The following SPMIP2 variants were observed in gnomAD, a reference collection of about 807,000 sequenced individuals.
The protein encoded by SPMIP2 is sperm microtubule inner protein 2.
At chr4:159,064,942 T>G in the SPMIP2 span, among the ~76,000 whole-genome samples, 1 of 152,174 alleles carries the variant, frequency 6.6e-6, no homozygotes, top group Non-Finnish European at 1.5e-5. Context: ...TAACCCAACA[T>G]TGAGTTTTCT....
chr4:158,975,424 G>A, the SPMIP2 span, among the ~76,000 whole-genome samples: 1 of 152,038 alleles, frequency 6.6e-6, no homozygotes, highest in Non-Finnish European at 1.5e-5. Context: ...GGGTTTTTAT[G>A]GTTTTAGGTC....
the SPMIP2 span, among the ~76,000 whole-genome samples, chr4:159,063,332 G>A: frequency 6.6e-6 from 1 of 152,278 alleles, no homozygotes; most frequent in South Asian, 2.1e-4. Flanking sequence ...ACCGAGACAG[G>A]AGGATCACTT....
chr4:158,973,290 T>C, the SPMIP2 span: 1 of 1,612,860 alleles, frequency 6.2e-7, no homozygotes. Flanking sequence ...TTTGGGTAAA[T>C]AATCCTTTAT....
the SPMIP2 span, among the ~76,000 whole-genome samples, chr4:159,056,968 A>G: frequency 6.6e-6 from 1 of 152,334 alleles, no homozygotes; most frequent in Admixed American, 6.5e-5. Context: ...AGCAAAGTGA[A>G]AGGTTAAATA....
chr4:158,952,513 T>C, the SPMIP2 span, among the ~76,000 whole-genome samples: 3 of 152,182 alleles, frequency 2.0e-5, no homozygotes, highest in South Asian at 4.1e-4. Context: ...TTCTTCCCAG[T>C]CTCAAGTGTG....
At chr4:158,923,458 T>G in the SPMIP2 span, among the ~76,000 whole-genome samples, 1 of 152,236 alleles carries the variant, frequency 6.6e-6, no homozygotes, top group African/African-American at 2.4e-5. Flanking sequence ...CTTGTTAAAT[T>G]TACTTCTAAA....
chr4:158,948,727 C>T, the SPMIP2 span, among the ~76,000 whole-genome samples: 1 of 151,910 alleles, frequency 6.6e-6, no homozygotes, highest in Non-Finnish European at 1.5e-5. Context: ...ATCCTCCCAC[C>T]TCAAGTAGCT....
At chr4:159,054,708 C>A in the SPMIP2 span, among the ~76,000 whole-genome samples, 1 of 152,196 alleles carries the variant, frequency 6.6e-6, no homozygotes, top group African/African-American at 2.4e-5. Flanking sequence ...AACTTTGCTC[C>A]TGAGGACAGT....
chr4:158,985,766 G>A, the SPMIP2 span, among the ~76,000 whole-genome samples: 22 of 152,056 alleles, frequency 1.4e-4, no homozygotes, highest in African/African-American at 5.3e-4. Context: ...TCAACATACT[G>A]TTGGAAGTTC....
chr4:158,985,772 A>G, the SPMIP2 span, among the ~76,000 whole-genome samples: 1 of 152,166 alleles, frequency 6.6e-6, no homozygotes, highest in Admixed American at 6.5e-5. Context: ...TACTGTTGGA[A>G]GTTCTGGCCA....
chr4:158,985,614 G>A, the SPMIP2 span, among the ~76,000 whole-genome samples: 1 of 152,180 alleles, frequency 6.6e-6, no homozygotes, highest in Non-Finnish European at 1.5e-5. Flanking sequence ...CAATAAATTA[G>A]GTATTGATGA....
the SPMIP2 span, among the ~76,000 whole-genome samples, chr4:158,996,110 T>G: frequency 0.029 from 4,400 of 152,244 alleles, 206 homozygotes; most frequent in African/African-American, 0.097. Flanking sequence ...ACCAAGCAAA[T>G]GCATAGTAAT....
chr4:158,942,497 T>C, the SPMIP2 span, among the ~76,000 whole-genome samples: 99,909 of 152,080 alleles, frequency 0.66, 33,304 homozygotes, highest in East Asian at 0.9. Flanking sequence ...GGCTGGACAC[T>C]GTGGCTCACA....
At chr4:158,993,256 C>A in the SPMIP2 span, among the ~76,000 whole-genome samples, 144 of 152,016 alleles carry the variant, frequency 9.5e-4, 1 homozygote, top group Admixed American at 1.8e-3. Context: ...AGTCCCAGCT[C>A]CTCAGGAGGC....
At chr4:158,894,895 G>A in the SPMIP2 span, among the ~76,000 whole-genome samples, 2 of 152,116 alleles carry the variant, frequency 1.3e-5, no homozygotes, top group Non-Finnish European at 2.9e-5. Context: ...CAGCCCAGAT[G>A]GTCAAGATCA....
the SPMIP2 span, among the ~76,000 whole-genome samples, chr4:159,005,107 T>A: frequency 0.28 from 42,384 of 148,882 alleles, 6,128 homozygotes; most frequent in African/African-American, 0.31. Flanking sequence ...AGCGCAAGCC[T>A]GTAATCCCAG....
the SPMIP2 span, among the ~76,000 whole-genome samples, chr4:158,946,425 C>T: frequency 5.5e-3 from 829 of 151,892 alleles, 11 homozygotes; most frequent in African/African-American, 0.019. Context: ...GGGGGGGACC[C>T]GGTGGGAGGT....
chr4:158,978,550 A>G, the SPMIP2 span, among the ~76,000 whole-genome samples: 1 of 152,202 alleles, frequency 6.6e-6, no homozygotes, highest in African/African-American at 2.4e-5. Context: ...GGAAGACTTT[A>G]CATCTCTTTG....
At chr4:158,966,094 A>G in the SPMIP2 span, among the ~76,000 whole-genome samples, 1 of 152,192 alleles carries the variant, frequency 6.6e-6, no homozygotes, top group Non-Finnish European at 1.5e-5. Flanking sequence ...TATAGCATAT[A>G]TTTTCAGTGC....
Sources: allele counts gnomAD v4.1 joint callset (sites outside exome capture counted in the v4.1 genomes callset), GRCh38; gene constraint gnomAD v4.1.1; transcripts MANE v1.5; gene names NCBI Gene and HGNC (gene_info 2026-07-23, HGNC 2026-07-21).